ELF5: variants seen among roughly 807,000 people sequenced by gnomAD.
ELF5 encodes the protein ETS-related transcription factor Elf-5.
A neutral mutation model predicts 38.2 loss-of-function variants in ELF5; 31 were observed. The ratio of observed to expected loss-of-function variants is 0.81; its 90% confidence interval spans 0.61 to 1.10. ELF5 has a LOEUF of 1.10. ELF5 is among the 50% of genes least tolerant of loss of function. The pLI is 0.00. For synonymous variants in ELF5, 121 were observed against 112.5 expected (o/e 1.08, Z -0.48); for missense variants, 300 against 306.6 (o/e 0.98, Z 0.16).
At chr11:34,510,635 G>T (rs1010972563) in intron 1 of ELF5, among the ~76,000 whole-genome samples, 1 of 152,124 alleles carries the variant, frequency 6.6e-6, no homozygotes, top group African/African-American at 2.4e-5. Context: ...CTGCTCAAGG[G>T]GGGTGATATT....
chr11:34,481,916 CA>C (rs1390829717), intron 5 of ELF5, among the ~76,000 whole-genome samples: 2 of 152,184 alleles, frequency 1.3e-5, no homozygotes, highest in South Asian at 4.1e-4. Flanking sequence ...CAGCACATAG[CA>C]ATTGTTTTCT....
At chr11:34,487,969 C>T (rs1281918258) in intron 4 of ELF5, among the ~76,000 whole-genome samples, 1 of 152,116 alleles carries the variant, frequency 6.6e-6, no homozygotes, top group African/African-American at 2.4e-5. Flanking sequence ...CACCTCGTGA[C>T]CTCCGCACTG....
intron 4 of ELF5, 63 bp from the exon 5 acceptor site, chr11:34,482,562 A>G: frequency 7.4e-7 from 1 of 1,359,676 alleles, no homozygotes; most frequent in Non-Finnish European, 1.0e-6. Flanking sequence ...ACCTCAAGTC[A>G]TACCCAAATG....
At position 34,480,115 on chromosome 11, in the gene ELF5, G is replaced by T; in HGVS notation, c.*103C>A. The T allele has an allele frequency of 5.3e-6, 5 of 942,606 alleles. No homozygotes were observed. The highest frequency in any genetic ancestry group is 8.1e-6 in the Non-Finnish European group (5 of 618,582). 58.4% of individuals were successfully genotyped at this position (942,606 alleles called of 1,614,324 possible). On this transcript the variant is annotated 3_prime_UTR_variant, in exon 7 of 7. Transcript: ENST00000257832. ...AGAAATTTTATCAGCATGTTTGCAG[G>T]TTAAAAAAAAAGAGAAGAAAATGAA...
At chr11:34,505,538 G>T in intron 2 of ELF5, 91 bp downstream of exon 2, 1 of 1,580,544 alleles carries the variant, frequency 6.3e-7, no homozygotes. Flanking sequence ...CTAGGCCCCA[G>T]CACAGCTTTG....
At chr11:34,498,144 G>A (rs1241759169) in intron 2 of ELF5, among the ~76,000 whole-genome samples, 3 of 152,008 alleles carry the variant, frequency 2.0e-5, no homozygotes, top group African/African-American at 7.3e-5. Flanking sequence ...CTGCCTCCTT[G>A]GACTCGTCTG....
intron 2 of ELF5, among the ~76,000 whole-genome samples, chr11:34,501,374 C>A (rs1377366739): frequency 6.6e-6 from 1 of 152,104 alleles, no homozygotes; most frequent in Non-Finnish European, 1.5e-5. Flanking sequence ...GATTCCAAAG[C>A]AAAGGAGGCG....
At chr11:34,508,396 G>A (rs951976098) in intron 1 of ELF5, among the ~76,000 whole-genome samples, 2 of 152,012 alleles carry the variant, frequency 1.3e-5, no homozygotes, top group African/African-American at 2.4e-5. Flanking sequence ...CCAGCTACTC[G>A]GGAGAGTGAG....
intron 1 of ELF5, chr11:34,511,839 C>A (rs1850767435): frequency 4.0e-6 from 2 of 500,860 alleles, no homozygotes; most frequent in Non-Finnish European, 7.2e-6. Flanking sequence ...CTTCCTGACT[C>A]TGGTGGTGAT....
chr11:34,505,676 T>G lies in ELF5; in HGVS notation c.74A>C (p.Asp25Ala). 1.9e-6 allele frequency: 3 copies of G among 1,614,074 alleles called. No homozygotes were observed. Among genetic ancestry groups the G allele is most frequent in the Non-Finnish European group, 1.7e-6 (2 of 1,179,980 alleles). ...SFCDPLMSWTDLFSNEEYYPA... is the reference protein window; with the variant it reads ...SFCDPLMSWTALFSNEEYYPA... ...GTAGTACTCTTCATTGCTGAACAGA[T>G]CAGTCCACGACATCAGGGGATCGCA... is the stretch of plus-strand genomic sequence containing the variant. The change falls in exon 2 of 7, where the codon GAT becomes GCT. Residue 25 changes from aspartate (D) to alanine (A), a missense_variant. Transcript: ENST00000257832.
intron 1 of ELF5, among the ~76,000 whole-genome samples, chr11:34,510,363 C>A (rs1311575717): frequency 6.7e-6 from 1 of 150,068 alleles, no homozygotes; most frequent in African/African-American, 2.5e-5. Flanking sequence ...TAACTCTGGG[C>A]TCTCCACAAA....
chr11:34,490,199 C>G, intron 3 of ELF5, 140 bp from the exon 4 acceptor site: 3 of 882,440 alleles, frequency 3.4e-6, no homozygotes, highest in Non-Finnish European at 5.6e-6. Flanking sequence ...ACCTTGGAGA[C>G]CATCTGGTCT....
At chr11:34,513,304 G>C (rs1850810263) in intron 1 of ELF5, among the ~76,000 whole-genome samples, 1 of 152,218 alleles carries the variant, frequency 6.6e-6, no homozygotes. Flanking sequence ...AAGGGTAGGT[G>C]GGGGGCTTTC....
In ELF5 at chr11:34,505,981, A is replaced by G. The variant is rs777284851; in HGVS notation, c.-4-228T>C. 2.6e-5 allele frequency among the ~76,000 whole-genome samples: 4 copies of G among 152,330 alleles called. No homozygotes were observed. In the East Asian group the frequency reaches 5.8e-4, roughly 22 times the overall value. On this transcript the variant is annotated intron_variant, in intron 1 of 6. Transcript: ENST00000257832. ...AGAAAACTGAGGCAAAAGGGTTGAG[A>G]CAATTGCCAAAGTGATATAACTAGA... is the stretch of plus-strand genomic sequence containing the variant.
intron 2 of ELF5, among the ~76,000 whole-genome samples, chr11:34,499,796 G>T (rs974942161): frequency 6.6e-6 from 1 of 152,202 alleles, no homozygotes; most frequent in Admixed American, 6.5e-5. Flanking sequence ...ACCTTCCAAT[G>T]GAAGTCACAG....
chr11:34,498,527 A>G (rs934778194), intron 2 of ELF5, among the ~76,000 whole-genome samples: 14 of 152,184 alleles, frequency 9.2e-5, no homozygotes, highest in Non-Finnish European at 2.9e-5. Context: ...TCTTTGGTTT[A>G]AAAGCTGGGG....
chr11:34,483,509 G>C (rs563991501), intron 4 of ELF5, among the ~76,000 whole-genome samples: 1 of 151,756 alleles, frequency 6.6e-6, no homozygotes, highest in East Asian at 1.9e-4. Context: ...TAACTATACT[G>C]TTCTATACCA....
rs1237592875 is a variant in ELF5, at chr11:34,507,883, A to G, written c.-4-2130T>C. Among the ~76,000 whole-genome samples the G allele has an allele frequency of 4.6e-5, 7 of 152,216 alleles. No homozygotes were observed. The East Asian group carries it at 1.3e-3, about 29-fold the overall frequency. ...ATTGGCAGGAGTGAATTCTTCATCT[A>G]GTCCAGTGTTTCCTAAACTTCAGTC... On this transcript the variant is annotated intron_variant, in intron 1 of 6. Transcript: ENST00000257832.
intron 1 of ELF5, among the ~76,000 whole-genome samples, chr11:34,506,217 G>A (rs892913618): frequency 2.0e-5 from 3 of 152,130 alleles, no homozygotes; most frequent in Non-Finnish European, 4.4e-5. Context: ...CTATTATCCC[G>A]AGCAAATTAA....
Sources: allele counts gnomAD v4.1 joint callset (sites outside exome capture counted in the v4.1 genomes callset), GRCh38; gene constraint gnomAD v4.1.1; transcripts MANE v1.5; gene names NCBI Gene and HGNC (gene_info 2026-07-23, HGNC 2026-07-21).